The following MIPEP variants were observed in gnomAD, a reference collection of about 807,000 sequenced individuals.
The protein encoded by MIPEP is mitochondrial intermediate peptidase.
MIPEP carries 79 observed loss-of-function variants against 90.3 expected under a neutral mutation model. The ratio of observed to expected loss-of-function variants is 0.87; its 90% CI spans 0.73 to 1.05. The LOEUF (loss-of-function observed/expected upper bound fraction) is 1.05, where lower values mean the gene tolerates loss of function less well. Ranked by LOEUF, MIPEP falls within the 50% of genes least tolerant of loss-of-function variation. MIPEP has a pLI of 0.00. For synonymous variants in MIPEP, 334 were observed against 315.8 expected (o/e 1.06, Z -0.61); for missense variants, 940 against 905.6 (o/e 1.04, Z -0.49).
chr13:23,826,461 T>C (rs552333577), intron 14 of MIPEP, among the ~76,000 whole-genome samples: 1 of 152,160 alleles, frequency 6.6e-6, no homozygotes, highest in East Asian at 1.9e-4. Flanking sequence ...AAAGAATCAA[T>C]ACCAGATAGA....
chr13:23,880,057 G>C (rs987394148), intron 3 of MIPEP, among the ~76,000 whole-genome samples: 1 of 152,124 alleles, frequency 6.6e-6, no homozygotes, highest in African/African-American at 2.4e-5. Context: ...TCTGCACCCT[G>C]CTGGGTAGGT....
At chr13:23,882,344 C>T (rs1871305166) in intron 2 of MIPEP, among the ~76,000 whole-genome samples, 1 of 151,970 alleles carries the variant, frequency 6.6e-6, no homozygotes, top group African/African-American at 2.4e-5. Context: ...GAAAACAACT[C>T]TTAAAGGCTT....
rs1868792559 is a variant in MIPEP at position 23,832,009 on chromosome 13, G to A, written c.1653+4231C>T. Among the ~76,000 whole-genome samples the A allele has an allele frequency of 2.0e-5, 3 of 152,104 alleles. 1 individual carries two copies. In the South Asian group the frequency reaches 6.2e-4, roughly 32 times the overall value. ...GAGAGCACACTATGCCACTGCTATA[G>A]CTTGAGTATCTGTCCCCTCCAAAAC... On this transcript the variant is annotated intron_variant, in intron 14 of 18. Coordinates refer to ENST00000382172, the MANE Select transcript of MIPEP (RefSeq NM_005932.4).
At chr13:23,772,272 G>A (rs979189439) in intron 16 of MIPEP, among the ~76,000 whole-genome samples, 1 of 151,334 alleles carries the variant, frequency 6.6e-6, no homozygotes, top group Non-Finnish European at 1.5e-5. Context: ...CTCATCTGAA[G>A]AATTTCCAAA....
chr13:23,730,375 G>A lies in MIPEP; in HGVS notation c.2115C>T (p.Phe705=), dbSNP rs374412642. 57 of 1,612,144 alleles carry A rather than the reference G, an allele frequency of 3.5e-5. No homozygotes were observed. In the East Asian group the frequency reaches 4.2e-4, roughly 12 times the overall value. ...SALVSDLDLD[F]ETFLMDSE is the part of the protein sequence containing the mutation. ...ATTCAGAATCCATGAGGAAAGTTTC[G>A]AAGTCCAGATCCAAGTCGGAAACGA... is the stretch of plus-strand genomic sequence containing the variant. Residue 705 remains phenylalanine (F), a synonymous_variant, in exon 19 of 19, where the codon TTC becomes TTT. Transcript: ENST00000382172.
At chr13:23,798,055 G>A (rs1402512424) in intron 16 of MIPEP, among the ~76,000 whole-genome samples, 1 of 152,242 alleles carries the variant, frequency 6.6e-6, no homozygotes, top group Non-Finnish European at 1.5e-5. Context: ...CTTAGACCAT[G>A]TGGTAGCACG....
At chr13:23,793,464 C>A (rs570037365) in intron 16 of MIPEP, among the ~76,000 whole-genome samples, 2 of 152,168 alleles carry the variant, frequency 1.3e-5, no homozygotes, top group East Asian at 3.9e-4. Context: ...GTTCCACAGG[C>A]AAACATATTT....
chr13:23,845,254 G>A (rs1869483682), intron 10 of MIPEP, among the ~76,000 whole-genome samples: 1 of 152,022 alleles, frequency 6.6e-6, no homozygotes, highest in Non-Finnish European at 1.5e-5. Flanking sequence ...TCTTTCATGG[G>A]TGTAGTCATC....
At chr13:23,772,882 T>C (rs145000038) in intron 16 of MIPEP, among the ~76,000 whole-genome samples, 2 of 152,192 alleles carry the variant, frequency 1.3e-5, no homozygotes, top group African/African-American at 4.8e-5. Context: ...CTTTAAAAAA[T>C]TGAGATAAAC....
chr13:23,872,016 C>T (rs1298898707), intron 5 of MIPEP, among the ~76,000 whole-genome samples: 1 of 152,134 alleles, frequency 6.6e-6, no homozygotes, highest in Non-Finnish European at 1.5e-5. Context: ...CAATGATCTG[C>T]CAGGCATATC....
chr13:23,851,864 A>G (rs1869814742), intron 10 of MIPEP, among the ~76,000 whole-genome samples: 5 of 152,032 alleles, frequency 3.3e-5, no homozygotes. Context: ...CAGCTATTTC[A>G]CATCTTTTGA....
In MIPEP at chr13:23,734,865, G is replaced by A. The variant is rs1050984971; in HGVS notation, c.2045-4420C>T. Among the ~76,000 whole-genome samples the A allele has an allele frequency of 3.3e-5, 5 of 152,210 alleles. No homozygotes were observed. In the East Asian group the frequency reaches 7.7e-4, roughly 23 times the overall value. Reference sequence around the variant, plus strand: ...TATTTTAGGCAGATAGAGAGGAAAAGGGGTCCTTAGGAAGTTTTTGTTTTT... The same window carrying A: ...TATTTTAGGCAGATAGAGAGGAAAAAGGGTCCTTAGGAAGTTTTTGTTTTT... On this transcript the variant is annotated intron_variant, in intron 18 of 18. Coordinates refer to ENST00000382172, the MANE Select transcript of MIPEP (RefSeq NM_005932.4).
intron 14 of MIPEP, among the ~76,000 whole-genome samples, chr13:23,835,293 T>G (rs1868986364): frequency 6.6e-6 from 1 of 152,046 alleles, no homozygotes; most frequent in South Asian, 2.1e-4. Context: ...AGTGCTGGGA[T>G]TACAGGCATG....
intron 14 of MIPEP, among the ~76,000 whole-genome samples, chr13:23,833,943 G>A (rs919578001): frequency 6.6e-6 from 1 of 152,018 alleles, no homozygotes; most frequent in Admixed American, 6.6e-5. Context: ...TGCTCCCCAC[G>A]TCTCCCACAC....
At chr13:23,759,272 A>G (rs1952515572) in intron 17 of MIPEP, among the ~76,000 whole-genome samples, 1 of 152,122 alleles carries the variant, frequency 6.6e-6, no homozygotes, top group African/African-American at 2.4e-5. Flanking sequence ...ACATCTCTCC[A>G]GCCAGCATGG....
At position 23,806,046 on chromosome 13, in the gene MIPEP, T is replaced by C. The variant is rs929784372; in HGVS notation, c.1752A>G (p.Gln584=). 5 of 1,613,946 alleles carry C rather than the reference T, an allele frequency of 3.1e-6. No individual in the cohort carries two copies. In the African/African-American group the frequency reaches 6.7e-5, roughly 22 times the overall value. Residue 584 remains glutamine, a synonymous_variant, in exon 16 of 19, where the codon CAA becomes CAG. Transcript: ENST00000382172. The part of the protein sequence containing the change: ...QLQVFYATLD[Q]IYHGKHPLRN... ...TCAGGGGATGCTTCCCATGGTAGATTTGATCCAGAGTGGCATAAAAGACCT... is the reference window on the plus strand; with the variant it reads ...TCAGGGGATGCTTCCCATGGTAGATCTGATCCAGAGTGGCATAAAAGACCT...
intron 17 of MIPEP, among the ~76,000 whole-genome samples, chr13:23,757,149 C>T (rs1008728312): frequency 6.6e-6 from 1 of 151,944 alleles, no homozygotes; most frequent in African/African-American, 2.4e-5. Context: ...TGGTACCATC[C>T]AGGGGTGATG....
At chr13:23,875,852 GAAT>G (rs1566026022) in intron 4 of MIPEP, among the ~76,000 whole-genome samples, 1 of 151,880 alleles carries the variant, frequency 6.6e-6, no homozygotes, top group Non-Finnish European at 1.5e-5. Context: ...TATATATTTA[GAAT>G]AATTAAGGCC....
chr13:23,755,689 CATG>C (rs1229204169), intron 18 of MIPEP, among the ~76,000 whole-genome samples: 3 of 151,930 alleles, frequency 2.0e-5, no homozygotes, highest in African/African-American at 7.3e-5. Flanking sequence ...CATGAAAAAT[CATG>C]ATGATCACTT....
Sources: allele counts gnomAD v4.1 joint callset (sites outside exome capture counted in the v4.1 genomes callset), GRCh38; gene constraint gnomAD v4.1.1; transcripts MANE v1.5; gene names NCBI Gene and HGNC (gene_info 2026-07-23, HGNC 2026-07-21).